Variants in HTR1F observed in about 807,000 individuals in gnomAD.
The protein encoded by HTR1F is 5-hydroxytryptamine (serotonin) receptor 1F, G protein-coupled.
In HTR1F, 17 loss-of-function variants were observed where a neutral mutation model predicts 24.0. That is an observed-to-expected ratio of 0.71 (90% CI 0.48 to 1.06). The LOEUF (loss-of-function observed/expected upper bound fraction) is 1.06, where lower values mean the gene tolerates loss of function less well. Ranked by LOEUF, HTR1F falls within the 50% of genes least tolerant of loss-of-function variation. The pLI, the probability that HTR1F is intolerant of heterozygous loss-of-function variation, is 0.00. For synonymous variants in HTR1F, 186 were observed against 156.8 expected (o/e 1.19, Z -1.39); for missense variants, 391 against 427.8 (o/e 0.91, Z 0.76).
In HTR1F at chr3:87,850,000, A is replaced by T. The variant is rs1410733881; in HGVS notation, c.-43+27876A>T. On this transcript the variant is annotated intron_variant, in intron 2 of 2. Coordinates refer to ENST00000319595, the MANE Select transcript of HTR1F (RefSeq NM_001322209.2). ...TGTGGAGAAATAAGAACACTTTTAC[A>T]CTGTTGGTGGGACTGTAAACTAGTT... Among the ~76,000 whole-genome samples the T allele has an allele frequency of 2.0e-5, 3 of 152,110 alleles. No individual in the cohort carries two copies. In the South Asian group the frequency reaches 6.2e-4, roughly 32 times the overall value.
chr3:87,802,545 T>C (rs1266388790), intron 1 of HTR1F, among the ~76,000 whole-genome samples: 1 of 151,896 alleles, frequency 6.6e-6, no homozygotes, highest in Non-Finnish European at 1.5e-5. Flanking sequence ...AGTATGTTAC[T>C]ATATTGCCTA....
At chr3:87,869,435 A>AGAT (rs1559612384) in intron 2 of HTR1F, among the ~76,000 whole-genome samples, 3,535 of 95,310 alleles carry the variant, frequency 0.037, 54 homozygotes, top group African/African-American at 0.054. Flanking sequence ...ATAGATAGAT[A>AGAT]CATAGATAGA....
chr3:87,931,193 C>T (rs1450444413), intron 2 of HTR1F, among the ~76,000 whole-genome samples: 4 of 151,836 alleles, frequency 2.6e-5, no homozygotes, highest in Non-Finnish European at 5.9e-5. Flanking sequence ...TGCTATCACT[C>T]CCCCCTCCCC....
At chr3:87,807,635 G>A (rs115806771) in intron 1 of HTR1F, among the ~76,000 whole-genome samples, 2,466 of 151,812 alleles carry the variant, frequency 0.016, 74 homozygotes, top group African/African-American at 0.056. Context: ...TGATTGCTCT[G>A]GCTAGGACTT....
chr3:87,959,126 C>T (rs1209052325), intron 2 of HTR1F, among the ~76,000 whole-genome samples: 1 of 151,762 alleles, frequency 6.6e-6, no homozygotes, highest in African/African-American at 2.4e-5. Flanking sequence ...CTTAGTCACT[C>T]AAGCAGAAAA....
chr3:87,951,874 T>G (rs1382605797), intron 2 of HTR1F, among the ~76,000 whole-genome samples: 1 of 152,076 alleles, frequency 6.6e-6, no homozygotes, highest in Non-Finnish European at 1.5e-5. Flanking sequence ...TTGTACTGAC[T>G]CAATAGTTTT....
Position 87,869,090 on chromosome 3 carries a change from A to G in HTR1F, c.-43+46966A>G, listed in dbSNP as rs368048733. On this transcript the variant is annotated intron_variant, in intron 2 of 2. Coordinates refer to ENST00000319595, the MANE Select transcript of HTR1F (RefSeq NM_001322209.2). ...ACAAGGAAGAAAGTAACTGCCCTCA[A>G]TCCTTGAACTTTATTGTTATCACAA... 1.2e-4 allele frequency among the ~76,000 whole-genome samples: 19 copies of G among 152,138 alleles called. No individual in the cohort carries two copies. The East Asian group carries it at 2.9e-3, about 23-fold the overall frequency.
At chr3:87,902,665 G>A (rs1706353339) in intron 2 of HTR1F, among the ~76,000 whole-genome samples, 1 of 151,226 alleles carries the variant, frequency 6.6e-6, no homozygotes, top group Non-Finnish European at 1.5e-5. Flanking sequence ...AGTTACATAT[G>A]TATACATGTG....
At chr3:87,887,493 A>G (rs1304665397) in intron 2 of HTR1F, among the ~76,000 whole-genome samples, 2 of 152,222 alleles carry the variant, frequency 1.3e-5, no homozygotes, top group Middle Eastern at 3.2e-3. Context: ...ATTAAACTAA[A>G]GAGCTTCTGC....
Position 87,910,321 on chromosome 3 carries a change from T to G in HTR1F, c.-42-80387T>G, listed in dbSNP as rs545038229. ...TATGGTTAAGACATTGCCACCTATT[T>G]TGTGGCATCTAACCATCATTTTTTT... is the stretch of plus-strand genomic sequence containing the variant. On this transcript the variant is annotated intron_variant, in intron 2 of 2. Coordinates refer to ENST00000319595, the MANE Select transcript of HTR1F (RefSeq NM_001322209.2). 80 of 152,030 alleles carry G rather than the reference T, an allele frequency of 5.3e-4. 1 individual carries two copies. The highest frequency in any genetic ancestry group is 1.8e-3 in the African/African-American group (74 of 41,530). 9.4% of individuals were successfully genotyped at this position (152,030 alleles called of 1,614,324 possible).
At chr3:87,926,272 T>C (rs893062435) in intron 2 of HTR1F, among the ~76,000 whole-genome samples, 2 of 152,192 alleles carry the variant, frequency 1.3e-5, no homozygotes, top group Non-Finnish European at 2.9e-5. Context: ...TCAAGTTTAA[T>C]AGGGACTTTA....
chr3:87,944,685 A>G (rs1269262208), intron 2 of HTR1F, among the ~76,000 whole-genome samples: 1 of 152,250 alleles, frequency 6.6e-6, no homozygotes, highest in Non-Finnish European at 1.5e-5. Flanking sequence ...TTAGTAAGCT[A>G]TCTTTGTGCT....
intron 2 of HTR1F, among the ~76,000 whole-genome samples, chr3:87,916,740 A>G (rs1353550088): frequency 6.6e-6 from 1 of 152,102 alleles, no homozygotes; most frequent in African/African-American, 2.4e-5. Flanking sequence ...TTACTAATAG[A>G]CCTAAGCAAT....
intron 2 of HTR1F, among the ~76,000 whole-genome samples, chr3:87,827,243 C>A (rs1185363360): frequency 6.6e-6 from 1 of 151,860 alleles, no homozygotes; most frequent in Non-Finnish European, 1.5e-5. Context: ...TAAGTTTCCT[C>A]CCCTCTCCCC....
chr3:87,864,716 T>A (rs1208710028), intron 2 of HTR1F, among the ~76,000 whole-genome samples: 1 of 151,844 alleles, frequency 6.6e-6, no homozygotes, highest in African/African-American at 2.4e-5. Context: ...GCCAACATGG[T>A]GAAACACCGT....
intron 1 of HTR1F, among the ~76,000 whole-genome samples, chr3:87,814,579 A>G (rs1423558458): frequency 6.6e-6 from 1 of 152,112 alleles, no homozygotes; most frequent in Non-Finnish European, 1.5e-5. Flanking sequence ...TTTGAGTTCA[A>G]TCTTTTTAGA....
chr3:87,930,875 T>A (rs1233768218), intron 2 of HTR1F, among the ~76,000 whole-genome samples: 1 of 152,182 alleles, frequency 6.6e-6, no homozygotes, highest in African/African-American at 2.4e-5. Context: ...ACACATATTG[T>A]TGATGTTTTA....
At chr3:87,902,422 G>A (rs1205889599) in intron 2 of HTR1F, among the ~76,000 whole-genome samples, 2 of 152,044 alleles carry the variant, frequency 1.3e-5, no homozygotes, top group Non-Finnish European at 2.9e-5. Flanking sequence ...TCAATTCCAA[G>A]TAGATCGTAA....
At chr3:87,919,727 G>T (rs1410806403) in intron 2 of HTR1F, among the ~76,000 whole-genome samples, 3 of 151,914 alleles carry the variant, frequency 2.0e-5, no homozygotes, top group Non-Finnish European at 4.4e-5. Flanking sequence ...AGTAGATGTT[G>T]GCGTGGATGC....
Sources: allele counts gnomAD v4.1 joint callset (sites outside exome capture counted in the v4.1 genomes callset), GRCh38; gene constraint gnomAD v4.1.1; transcripts MANE v1.5; gene names NCBI Gene and HGNC (gene_info 2026-07-23, HGNC 2026-07-21).